The following ARHGEF18 variants were observed in gnomAD, a reference collection of about 807,000 sequenced individuals.
ARHGEF18 encodes the protein rho guanine nucleotide exchange factor 18.
In ARHGEF18, 93 loss-of-function variants were observed where a neutral mutation model predicts 155.7. The ratio of observed to expected loss-of-function variants is 0.60; its 90% CI spans 0.50 to 0.71. The LOEUF is 0.71. Among genes scored for constraint, ARHGEF18 ranks in the 30% least tolerant of loss-of-function variants. ARHGEF18 has a pLI of 0.00. For missense variants in ARHGEF18, 1,593 were observed against 1,816.1 expected (o/e 0.88, Z 2.23); for synonymous variants, 742 against 753.1 (o/e 0.99, Z 0.24).
chr19:7,382,418 A>C (rs182582355), intron 8 of ARHGEF18, among the ~76,000 whole-genome samples: 73 of 150,038 alleles, frequency 4.9e-4, no homozygotes, highest in Middle Eastern at 3.4e-3. Context: ...AAATAACTAA[A>C]TAAATAAATA....
intron 15 of ARHGEF18, among the ~76,000 whole-genome samples, chr19:7,449,424 A>G (rs1975219177): frequency 6.6e-6 from 1 of 152,168 alleles, no homozygotes; most frequent in Admixed American, 6.5e-5. Context: ...AACTACAAAA[A>G]TTAGCCAGGT....
At position 7,464,656 on chromosome 19, in the gene ARHGEF18, A is replaced by T. The variant is rs1308902870; in HGVS notation, c.2870A>T (p.Asp957Val). 6.2e-7 allele frequency: 1 copy of T among 1,613,892 alleles called. No homozygotes were observed. Among genetic ancestry groups the T allele is most frequent in the Non-Finnish European group, 8.5e-7 (1 of 1,180,004 alleles). ...CCGGACTTGAAGCTCAGTGACAGTG[A>T]CATTCCTGGGAGCTCTGAGGAATCG... ...NSPDLKLSDSDIPGSSEESPQ... is the reference protein window; with the variant it reads ...NSPDLKLSDSVIPGSSEESPQ... The change falls in exon 23 of 29, where the codon GAC becomes GTC. Residue 957 changes from aspartate to valine, a missense_variant. Transcript: ENST00000668164.
At position 7,395,164 on chromosome 19, in the gene ARHGEF18, G is replaced by T. The variant is rs35177521; in HGVS notation, c.967+11961G>T. On this transcript the variant is annotated intron_variant, in intron 10 of 28. Transcript: ENST00000668164. This position sits in a 1 kb window ranked among gnomAD's most constrained non-coding sequence, Gnocchi z 5.0. ...CCAGCTGCTAGCTACTGTGGATCTGGGGGGGCCGGACGGAGGCATCGGAGG... is the reference window on the plus strand; with the variant it reads ...CCAGCTGCTAGCTACTGTGGATCTGTGGGGGCCGGACGGAGGCATCGGAGG... 3.7e-3 allele frequency: 3,608 copies of T among 985,952 alleles called. 98 individuals carry two copies. In the African/African-American group the frequency reaches 0.055, roughly 15 times the overall value. 61.1% of individuals were successfully genotyped at this position (985,952 alleles called of 1,614,324 possible).
At chr19:7,412,438 G>A (rs536515475) in intron 10 of ARHGEF18, among the ~76,000 whole-genome samples, 1 of 150,670 alleles carries the variant, frequency 6.6e-6, no homozygotes, top group South Asian at 2.2e-4. Flanking sequence ...TTAATTTTCG[G>A]TTTTTTAAAT....
rs1970274951 is a variant in ARHGEF18, at chr19:7,373,091, C to T, written c.275+20C>T. On this transcript the variant is annotated intron_variant, in intron 3 of 28. Coordinates refer to ENST00000668164, the MANE Select transcript of ARHGEF18 (RefSeq NM_001367823.1). Reference sequence around the variant, plus strand: ...GCGGAGGTCAGTTCCCCACTGCTGCCTGCTTCCCACAATGCACCCCTGGGA... The same window carrying T: ...GCGGAGGTCAGTTCCCCACTGCTGCTTGCTTCCCACAATGCACCCCTGGGA... 1.8e-5 allele frequency: 22 copies of T among 1,234,332 alleles called. No homozygotes were observed. Among genetic ancestry groups the T allele is most frequent in the South Asian group, 4.1e-5 (1 of 24,378 alleles). 76.5% of individuals were successfully genotyped at this position (1,234,332 alleles called of 1,614,324 possible).
At chr19:7,351,704 CT>C (rs1206690292) in intron 1 of ARHGEF18, among the ~76,000 whole-genome samples, 1,261 of 7,800 alleles carry the variant, frequency 0.16, 17 homozygotes, top group East Asian at 0.37. Flanking sequence ...CTCTCTCTCT[CT>C]TTTTTTTTTT....
In ARHGEF18 at chr19:7,463,607, A is replaced by G. The variant is rs1189762343; in HGVS notation, c.2636-211A>G. ...CCCACAGCCCTGTCCTCTCACTTAG[A>G]CGCAGATTGGCCTGTCCTGGTGGCC... On this transcript the variant is annotated intron_variant, in intron 21 of 28. Coordinates refer to ENST00000668164, the MANE Select transcript of ARHGEF18 (RefSeq NM_001367823.1). This position sits in a 1 kb window ranked among gnomAD's most constrained non-coding sequence, Gnocchi z 5.2. 6.6e-6 allele frequency among the ~76,000 whole-genome samples: 1 copy of G among 152,078 alleles called. No individual in the cohort carries two copies. Among genetic ancestry groups the G allele is most frequent in the Non-Finnish European group, 1.5e-5 (1 of 68,000 alleles).
At chr19:7,418,221 A>G (rs1306552798) in intron 10 of ARHGEF18, among the ~76,000 whole-genome samples, 1 of 152,066 alleles carries the variant, frequency 6.6e-6, no homozygotes, top group Non-Finnish European at 1.5e-5. Flanking sequence ...ACCCCCAGAG[A>G]GGGCATTACT....
At chr19:7,437,422 C>CAA (rs200582880) in intron 10 of ARHGEF18, among the ~76,000 whole-genome samples, 4 of 122,512 alleles carry the variant, frequency 3.3e-5, no homozygotes, top group Non-Finnish European at 3.6e-5. Context: ...AAATCCGTCT[C>CAA]AAAAAAAAAA....
chr19:7,390,021 G>A (rs946158309), intron 10 of ARHGEF18, among the ~76,000 whole-genome samples: 1 of 151,806 alleles, frequency 6.6e-6, no homozygotes, highest in South Asian at 2.1e-4. Context: ...TGAGACCCTC[G>A]TCTCTACAAA....
At chr19:7,477,095 A>T, downstream of ARHGEF18, 2 of 1,090,430 alleles carry the variant, frequency 1.8e-6, no homozygotes, top group Non-Finnish European at 2.5e-6. Flanking sequence ...CATGGGTTTC[A>T]CCACAGGCAG....
rs1162434534 is a variant in ARHGEF18 at position 7,361,991 on chromosome 19, G to GGAAGAAGAAGAAA, written c.-110-778_-110-777insAGAAGAAGAAGAA. ...TGGGGGCAACAGAGCAAGACTCTGT[G>GGAAGAAGAAGAAA]GAAGAAGAAGAAGAAGAAGAAGAAG... On this transcript the variant is annotated intron_variant, in intron 1 of 28. Coordinates refer to ENST00000668164, the MANE Select transcript of ARHGEF18 (RefSeq NM_001367823.1). Among the ~76,000 whole-genome samples the GGAAGAAGAAGAAA allele has an allele frequency of 1.8e-3, 142 of 79,204 alleles. 11 individuals carry two copies. The highest frequency in any genetic ancestry group is 7.5e-3 in the African/African-American group (137 of 18,316). The allele number at this position is 79,204 out of a possible 152,430, so 52.0% of individuals were successfully genotyped here. A position where few individuals can be genotyped will look rare whatever the true frequency, so the allele number is the denominator to read the frequency against.
chr19:7,446,633 C>T (rs1278957891), intron 14 of ARHGEF18, among the ~76,000 whole-genome samples: 1 of 151,878 alleles, frequency 6.6e-6, no homozygotes, highest in Non-Finnish European at 1.5e-5. Flanking sequence ...CTCAGCTACT[C>T]AGGAGGCTGA....
intron 13 of ARHGEF18, among the ~76,000 whole-genome samples, chr19:7,443,042 C>T (rs1222286045): frequency 2.0e-5 from 3 of 150,268 alleles, no homozygotes; most frequent in African/African-American, 7.4e-5. Context: ...GTGCCTGCCA[C>T]CATGCCCAGC....
At chr19:7,472,711 T>G (rs939170591), downstream of ARHGEF18, 2 of 293,898 alleles carry the variant, frequency 6.8e-6, no homozygotes, top group Non-Finnish European at 1.3e-5. Context: ...GGTTTGTTTG[T>G]TTTTTTGAGA....
chr19:7,382,236 A>T (rs1210304651), intron 8 of ARHGEF18, among the ~76,000 whole-genome samples: 4 of 151,986 alleles, frequency 2.6e-5, no homozygotes, highest in African/African-American at 4.8e-5. Context: ...TCTACTAAAA[A>T]TACAAAACAA....
At chr19:7,424,994 G>A (rs1355942972) in intron 10 of ARHGEF18, among the ~76,000 whole-genome samples, 4 of 148,502 alleles carry the variant, frequency 2.7e-5, no homozygotes, top group Non-Finnish European at 6.0e-5. Context: ...CTACGTCTCG[G>A]GGAAAAAAAA....
intron 10 of ARHGEF18, among the ~76,000 whole-genome samples, chr19:7,407,604 A>G (rs1264788085): frequency 6.6e-6 from 1 of 152,038 alleles, no homozygotes; most frequent in African/African-American, 2.4e-5. Context: ...GAGTTCCCAG[A>G]CTGCATGAGC....
chr19:7,389,317 AT>A (rs1203819709), intron 10 of ARHGEF18, among the ~76,000 whole-genome samples: 3,584 of 112,986 alleles, frequency 0.032, 120 homozygotes, highest in African/African-American at 0.11. Flanking sequence ...TACCAGGATA[AT>A]TTTTTTTTTT....
Sources: allele counts gnomAD v4.1 joint callset (sites outside exome capture counted in the v4.1 genomes callset), GRCh38; gene constraint gnomAD v4.1.1; non-coding constraint Gnocchi (gnomAD v3.1); transcripts MANE v1.5; gene names NCBI Gene and HGNC (gene_info 2026-07-23, HGNC 2026-07-21).